The following JAKMIP3 variants were observed in gnomAD, a reference collection of about 807,000 sequenced individuals.
The protein encoded by JAKMIP3 is janus kinase and microtubule-interacting protein 3.
In JAKMIP3, 58 loss-of-function variants were observed where a neutral mutation model predicts 118.5. That is an observed-to-expected ratio of 0.49 (90% CI 0.40 to 0.61). The LOEUF (loss-of-function observed/expected upper bound fraction) is 0.61, where lower values mean the gene tolerates loss of function less well. Among genes scored for constraint, JAKMIP3 ranks in the 20% least tolerant of loss-of-function variants. JAKMIP3 has a pLI of 0.00. For synonymous variants in JAKMIP3, 486 were observed against 451.2 expected, an observed-to-expected ratio of 1.08 and a Z score of -0.98; for missense variants, 950 against 1,109.0, an observed-to-expected ratio of 0.86 and a Z score of 2.04.
At position 132,180,742 on chromosome 10, in the gene JAKMIP3, CGTGCGCGCGCGTGTGTGCGTGT is replaced by C. The variant is rs1289133813; in HGVS notation, c.*1104-1611_*1104-1590del. Among the ~76,000 whole-genome samples the C allele has an allele frequency of 1.1e-3, 10 of 8,710 alleles. 3 individuals are homozygous for C. Among genetic ancestry groups the C allele is most frequent in the Middle Eastern group, 0.062 (1 of 16 alleles). 5.7% of individuals were successfully genotyped at this position (8,710 alleles called of 152,430 possible). The stretch of plus-strand genomic sequence containing the variant: ...GTGCGTGTGTGTGCGTGTGTGCGTG[CGTGCGCGCGCGTGTGTGCGTGT>C]GTGTGCGTGTGTGTGTGTGCGCGTA... On this transcript the variant is annotated intron_variant, in intron 23 of 23. Transcript: ENST00000684848.
chr10:132,172,399 G>C (rs532210812), intron 23 of JAKMIP3, among the ~76,000 whole-genome samples: 2 of 152,106 alleles, frequency 1.3e-5, no homozygotes, highest in African/African-American at 4.8e-5. Context: ...CGTGTACTGG[G>C]GGAGATTCGC....
chr10:132,111,457 G>A (rs2046865023), intron 2 of JAKMIP3, among the ~76,000 whole-genome samples: 1 of 152,162 alleles, frequency 6.6e-6, no homozygotes, highest in Non-Finnish European at 1.5e-5. Flanking sequence ...TCGAGCGCCG[G>A]GAAGTCCAGG....
rs116755468 is a variant in JAKMIP3, at chr10:132,133,932, C to T, written c.849+405C>T. On this transcript the variant is annotated intron_variant, in intron 4 of 23. Transcript: ENST00000684848. Reference sequence around the variant, plus strand: ...TGCCTCTGGCCCGGGAAGGCTGGTGCACCGGCTCCCTGCCCACCGCGTGCC... The same window carrying T: ...TGCCTCTGGCCCGGGAAGGCTGGTGTACCGGCTCCCTGCCCACCGCGTGCC... Among the ~76,000 whole-genome samples, 1,115 of 152,340 alleles carry T rather than the reference C, an allele frequency of 7.3e-3. 9 individuals are homozygous for T. The highest frequency in any genetic ancestry group is 0.026 in the African/African-American group (1,073 of 41,574).
chr10:132,154,000 A>G lies in JAKMIP3; in HGVS notation c.2220+10A>G. 6.2e-7 allele frequency: 1 copy of G among 1,612,460 alleles called. No homozygotes were observed. Among genetic ancestry groups the G allele is most frequent in the East Asian group, 2.2e-5 (1 of 44,864 alleles). The stretch of plus-strand genomic sequence containing the variant: ...GGACCAGGCCAACAAGGTGAGAGGC[A>G]CGAGACTGCTGGAACCCCGGGGAGG... On this transcript the variant is annotated intron_variant, in intron 19 of 23. Coordinates refer to ENST00000684848, the MANE Select transcript of JAKMIP3 (RefSeq NM_001323087.2).
intron 1 of JAKMIP3, among the ~76,000 whole-genome samples, chr10:132,097,299 G>A (rs897445725): frequency 6.6e-6 from 1 of 152,220 alleles, no homozygotes; most frequent in African/African-American, 2.4e-5. Context: ...CAGCCACACC[G>A]TGGGTCACTC....
At chr10:132,094,712 CCTG>C (rs1212374315) in intron 1 of JAKMIP3, among the ~76,000 whole-genome samples, 1 of 152,118 alleles carries the variant, frequency 6.6e-6, no homozygotes, top group Non-Finnish European at 1.5e-5. Flanking sequence ...CGGTTGGCCT[CCTG>C]CTGGGAGGTG....
chr10:132,172,134 G>A (rs531053332), intron 23 of JAKMIP3, among the ~76,000 whole-genome samples: 9 of 152,058 alleles, frequency 5.9e-5, no homozygotes, highest in East Asian at 5.8e-4. Context: ...GTTCTTCCTC[G>A]TCACTCTTGG....
intron 13 of JAKMIP3, 113 bp downstream of exon 13, chr10:132,145,693 G>A: frequency 1.1e-6 from 1 of 870,926 alleles, no homozygotes; most frequent in Non-Finnish European, 1.8e-6. Flanking sequence ...CTGAATGGCT[G>A]TCCCAGGCCC....
In JAKMIP3 at chr10:132,049,127, CTCTGAAA is replaced by C. The variant is rs1318316627; in HGVS notation, c.-138+12391_-138+12397del. Among the ~76,000 whole-genome samples, 2 of 152,172 alleles carry C rather than the reference CTCTGAAA, an allele frequency of 1.3e-5. No homozygotes were observed. The highest frequency in any genetic ancestry group is 4.8e-5 in the African/African-American group (2 of 41,418). On this transcript the variant is annotated intron_variant, in intron 1 of 23. Coordinates refer to the JAKMIP3 transcript ENST00000657785. This position sits in a 1 kb window ranked among gnomAD's most constrained non-coding sequence, Gnocchi z 4.3. ...GAAGCCTTGAGGATTTTATCTTTAG[CTCTGAAA>C]TGGAATAGTTTCACCAGCATGTCTC...
At chr10:132,115,441 T>TC (rs1202232830) in intron 2 of JAKMIP3, among the ~76,000 whole-genome samples, 2 of 152,196 alleles carry the variant, frequency 1.3e-5, no homozygotes, top group African/African-American at 4.8e-5. Context: ...GCTGCACTCA[T>TC]CTGGGCCCTT....
intron 1 of JAKMIP3, among the ~76,000 whole-genome samples, chr10:132,072,741 C>T (rs1053056595): frequency 1.2e-4 from 18 of 151,300 alleles, no homozygotes; most frequent in Non-Finnish European, 2.4e-4. Context: ...GGCCTCTATT[C>T]ATTATACCTC....
intron 3 of JAKMIP3, among the ~76,000 whole-genome samples, chr10:132,128,947 ACT>A (rs1387423333): frequency 2.0e-5 from 3 of 151,912 alleles, no homozygotes; most frequent in Non-Finnish European, 4.4e-5. Context: ...TTGTTGGCTA[ACT>A]CTAGTCATCT....
rs529604289 is a variant in JAKMIP3, at chr10:132,147,979, C to T, written c.1777C>T (p.Arg593Trp). 8.3e-5 allele frequency: 133 copies of T among 1,609,794 alleles called. No individual in the cohort carries two copies. The highest frequency in any genetic ancestry group is 1.2e-4 in the African/African-American group (9 of 74,872). Reference protein sequence around the residue: ...KIKQMETEEARLRHEVQDARD... With the variant: ...KIKQMETEEAWLRHEVQDARD... ...CAAACAAATGGAGACGGAAGAGGCT[C>T]GGCTCAGACACGAGGTGCAGGACGC... The change falls in exon 14 of 24, where the codon CGG becomes TGG. Residue 593 changes from arginine to tryptophan, a missense_variant. By Grantham distance (101) the Arg-to-Trp change is moderately radical. Coordinates refer to ENST00000684848, the MANE Select transcript of JAKMIP3 (RefSeq NM_001323087.2).
In JAKMIP3 at chr10:132,179,893, C is replaced by T. The variant is rs2060560560; in HGVS notation, c.*1104-2464C>T. On this transcript the variant is annotated intron_variant, in intron 23 of 23. Transcript: ENST00000684848. This position sits in a 1 kb window ranked among gnomAD's most constrained non-coding sequence, Gnocchi z 4.3. The stretch of plus-strand genomic sequence containing the variant: ...CCTGTGAGCAGACTTCCTGTGCTCT[C>T]TCCCCTCCCATGCTCTTCCCCCTGT... Among the ~76,000 whole-genome samples the T allele has an allele frequency of 1.3e-5, 2 of 152,190 alleles. No homozygotes were observed. Among genetic ancestry groups the T allele is most frequent in the South Asian group, 2.1e-4 (1 of 4,830 alleles).
At chr10:132,094,782 G>A (rs905974505) in intron 1 of JAKMIP3, among the ~76,000 whole-genome samples, 1 of 152,068 alleles carries the variant, frequency 6.6e-6, no homozygotes, top group African/African-American at 2.4e-5. Context: ...CGGTGAGTGG[G>A]GCCCTGGAAC....
rs975981182 is a variant in JAKMIP3 at position 132,177,370 on chromosome 10, G to C, written c.*1104-4987G>C. Among the ~76,000 whole-genome samples the C allele has an allele frequency of 3.3e-5, 5 of 152,360 alleles. No homozygotes were observed. In the South Asian group the frequency reaches 1.0e-3, roughly 32 times the overall value. The stretch of plus-strand genomic sequence containing the variant: ...ACAGGCAGAAAGTGTGCGCACGTGT[G>C]TGCACACATGCCAGTGTGTGGGGGG... On this transcript the variant is annotated intron_variant, in intron 23 of 23. Transcript: ENST00000684848.
chr10:132,114,257 C>A (rs904725910), intron 2 of JAKMIP3, among the ~76,000 whole-genome samples: 3 of 152,246 alleles, frequency 2.0e-5, no homozygotes, highest in African/African-American at 7.2e-5. Flanking sequence ...ATTCTGTCAC[C>A]CAGGCTATAG....
At chr10:132,177,483 G>C (rs2060250527) in intron 23 of JAKMIP3, among the ~76,000 whole-genome samples, 2 of 136,802 alleles carry the variant, frequency 1.5e-5, no homozygotes, top group South Asian at 5.1e-4. Flanking sequence ...CTGTGCATTT[G>C]GTCGTGGTGT....
In JAKMIP3 at chr10:132,168,592, G is replaced by A. The variant is rs531429639; in HGVS notation, c.*662G>A. 2.5e-5 allele frequency: 9 copies of A among 364,812 alleles called. No individual in the cohort carries two copies. Among genetic ancestry groups the A allele is most frequent in the East Asian group, 1.6e-4 (2 of 12,462 alleles). 22.6% of individuals were successfully genotyped at this position (364,812 alleles called of 1,614,324 possible). On this transcript the variant is annotated 3_prime_UTR_variant, in exon 23 of 24. Coordinates refer to ENST00000684848, the MANE Select transcript of JAKMIP3 (RefSeq NM_001323087.2). Reference sequence around the variant, plus strand: ...ATCTCTGTGGGGACAGACAAGAGCCGTGGCCGCCGCGGGCCGCGTGGTGCC... The same window carrying A: ...ATCTCTGTGGGGACAGACAAGAGCCATGGCCGCCGCGGGCCGCGTGGTGCC...
Sources: allele counts gnomAD v4.1 joint callset (sites outside exome capture counted in the v4.1 genomes callset), GRCh38; gene constraint gnomAD v4.1.1; non-coding constraint Gnocchi (gnomAD v3.1); transcripts MANE v1.5; gene names NCBI Gene and HGNC (gene_info 2026-07-23, HGNC 2026-07-21).